VWC2L: variants seen among roughly 807,000 people sequenced by gnomAD.
VWC2L encodes von Willebrand factor C domain-containing protein 2-like.
VWC2L carries 10 observed loss-of-function variants against 21.6 expected under a neutral mutation model. The observed-to-expected ratio is 0.46, with a 90% CI of 0.29 to 0.78. The LOEUF (loss-of-function observed/expected upper bound fraction) is 0.78. Among genes scored for constraint, VWC2L ranks in the 30% least tolerant of loss-of-function variants. The probability of loss-of-function intolerance (pLI) is 0.10; values close to 1 mark genes in which losing one functional copy is unlikely to be tolerated. For synonymous variants in VWC2L, 96 were observed against 94.3 expected, an observed-to-expected ratio of 1.02 and a Z score of -0.10; for missense variants, 209 against 277.1, an observed-to-expected ratio of 0.75 and a Z score of 1.74.
At chr2:214,430,830 A>C (rs1219201529) in intron 2 of VWC2L, among the ~76,000 whole-genome samples, 1 of 152,214 alleles carries the variant, frequency 6.6e-6, no homozygotes, top group Non-Finnish European at 1.5e-5. Flanking sequence ...TATTTTAAAA[A>C]ACTCTGTGCA....
chr2:214,418,998 T>C (rs978506074), intron 2 of VWC2L, among the ~76,000 whole-genome samples: 10 of 152,226 alleles, frequency 6.6e-5, no homozygotes, highest in Non-Finnish European at 1.5e-4. Context: ...TTGCAAATCA[T>C]AGGTCACACT....
At chr2:214,536,251 T>C (rs1689527468) in intron 3 of VWC2L, among the ~76,000 whole-genome samples, 1 of 152,126 alleles carries the variant, frequency 6.6e-6, no homozygotes. Context: ...CTTTTTGGCA[T>C]AAGCCCTCAA....
chr2:214,532,779 A>AACTC (rs1478778700), intron 3 of VWC2L, among the ~76,000 whole-genome samples: 1 of 152,154 alleles, frequency 6.6e-6, no homozygotes, highest in Non-Finnish European at 1.5e-5. Context: ...CAGTGAGCAG[A>AACTC]ACTCATTTCA....
chr2:214,429,548 TA>T (rs950364998), intron 2 of VWC2L, among the ~76,000 whole-genome samples: 3 of 151,908 alleles, frequency 2.0e-5, no homozygotes, highest in African/African-American at 4.8e-5. Context: ...GTGCCTACTT[TA>T]AAAAAAATAC....
intron 3 of VWC2L, among the ~76,000 whole-genome samples, chr2:214,552,284 G>T (rs2105925606): frequency 6.6e-6 from 1 of 152,338 alleles, no homozygotes; most frequent in African/African-American, 2.4e-5. Flanking sequence ...TTGACTGAAT[G>T]AATAAATACC....
rs190303340 is a variant in VWC2L at position 214,512,889 on chromosome 2, G to A, written c.521-62783G>A. Among the ~76,000 whole-genome samples, 5 of 152,170 alleles carry A rather than the reference G, an allele frequency of 3.3e-5. No individual in the cohort carries two copies. The East Asian group carries it at 7.7e-4, about 23-fold the overall frequency. ...AAACTACAGTATCTAAGTAAAATACGTGCTAAGAAGGTCCTCCTGAAACAT... is the reference window on the plus strand; with the variant it reads ...AAACTACAGTATCTAAGTAAAATACATGCTAAGAAGGTCCTCCTGAAACAT... On this transcript the variant is annotated intron_variant, in intron 3 of 3. Transcript: ENST00000312504.
At chr2:214,459,680 C>T (rs1373415501) in intron 3 of VWC2L, among the ~76,000 whole-genome samples, 4 of 152,114 alleles carry the variant, frequency 2.6e-5, no homozygotes, top group Non-Finnish European at 5.9e-5. Flanking sequence ...GTTCTTTTTA[C>T]ATGTCTGGAA....
At chr2:214,434,170 A>G (rs970766060) in intron 2 of VWC2L, among the ~76,000 whole-genome samples, 3 of 152,130 alleles carry the variant, frequency 2.0e-5, no homozygotes, top group Non-Finnish European at 4.4e-5. Context: ...AAAAAATCAA[A>G]TATAGTCTTA....
chr2:214,547,808 A>G (rs559098662), intron 3 of VWC2L, among the ~76,000 whole-genome samples: 164 of 152,302 alleles, frequency 1.1e-3, no homozygotes, highest in Non-Finnish European at 1.9e-3. Context: ...CCTTGCGATG[A>G]CTTTATCAAT....
intron 3 of VWC2L, among the ~76,000 whole-genome samples, chr2:214,509,087 A>T (rs548058970): frequency 6.6e-6 from 1 of 152,234 alleles, no homozygotes; most frequent in South Asian, 2.1e-4. Flanking sequence ...AGAGTTCCCC[A>T]GTGGGATTCT....
chr2:214,454,557 A>G (rs1449960964), intron 3 of VWC2L, among the ~76,000 whole-genome samples: 1 of 108,494 alleles, frequency 9.2e-6, no homozygotes, highest in Non-Finnish European at 1.9e-5. Flanking sequence ...TGTGGGGTTT[A>G]TGTTAGTTTA....
chr2:214,551,480 A>G (rs1375897300), intron 3 of VWC2L, among the ~76,000 whole-genome samples: 1 of 152,256 alleles, frequency 6.6e-6, no homozygotes, highest in African/African-American at 2.4e-5. Flanking sequence ...AATTATTTGC[A>G]AAGCATACAA....
intron 3 of VWC2L, among the ~76,000 whole-genome samples, chr2:214,466,589 T>C (rs1474695465): frequency 1.3e-5 from 2 of 152,226 alleles, no homozygotes; most frequent in Non-Finnish European, 2.9e-5. Context: ...CAATTACACA[T>C]GTACCAGGAT....
At chr2:214,541,940 T>A (rs1689635042) in intron 3 of VWC2L, among the ~76,000 whole-genome samples, 1 of 151,448 alleles carries the variant, frequency 6.6e-6, no homozygotes, top group African/African-American at 2.4e-5. Flanking sequence ...GGTAAAAGTG[T>A]TGACTCTAAT....
At chr2:214,447,351 T>C (rs1702853562) in intron 3 of VWC2L, among the ~76,000 whole-genome samples, 1 of 152,120 alleles carries the variant, frequency 6.6e-6, no homozygotes, top group Non-Finnish European at 1.5e-5. Flanking sequence ...TCCATGTATC[T>C]CTCAGAGGTA....
intron 3 of VWC2L, among the ~76,000 whole-genome samples, chr2:214,560,169 T>G (rs149266701): frequency 1.3e-5 from 2 of 152,340 alleles, no homozygotes; most frequent in East Asian, 3.9e-4. Context: ...TTAAAGAAAA[T>G]GCCACTTTGT....
intron 3 of VWC2L, among the ~76,000 whole-genome samples, chr2:214,556,532 AC>A (rs1689875709): frequency 6.6e-6 from 1 of 152,262 alleles, no homozygotes; most frequent in East Asian, 1.9e-4. Flanking sequence ...AGCTAGAGTT[AC>A]CCCCACCCGA....
rs1161486990 is a variant in VWC2L, at chr2:214,436,774, A to G, written c.520+16A>G. On this transcript the variant is annotated intron_variant, in intron 3 of 3. Transcript: ENST00000312504. ...TGCAAAAATGGTAAGACCACACTGC[A>G]TTAGCTTTTGAAGAGGGGTTCGCAC... 3.1e-6 allele frequency: 5 copies of G among 1,612,430 alleles called. No individual in the cohort carries two copies. The Admixed American group carries it at 6.7e-5, about 22-fold the overall frequency.
chr2:214,572,042 A>G (rs560768354), intron 3 of VWC2L, among the ~76,000 whole-genome samples: 1 of 152,244 alleles, frequency 6.6e-6, no homozygotes, highest in East Asian at 1.9e-4. Flanking sequence ...TCAGCCTCCT[A>G]AAGTGCTGGG....
Sources: allele counts gnomAD v4.1 joint callset (sites outside exome capture counted in the v4.1 genomes callset), GRCh38; gene constraint gnomAD v4.1.1; transcripts MANE v1.5; gene names NCBI Gene and HGNC (gene_info 2026-07-23, HGNC 2026-07-21).